LIPA: variants seen among roughly 807,000 people sequenced by gnomAD.
LIPA encodes the protein lipase A, lysosomal acid type, also known as lysosomal acid lipase/cholesteryl ester hydrolase.
A neutral mutation model predicts 40.6 loss-of-function variants in LIPA; 26 were observed. The observed-to-expected ratio is 0.64, with a 90% CI of 0.47 to 0.89. LIPA has a LOEUF of 0.89. Ranked by LOEUF, LIPA falls within the 40% of genes least tolerant of loss-of-function variation. The pLI is 0.00. For missense variants in LIPA, 455 were observed against 479.6 expected (o/e 0.95, Z 0.48); for synonymous variants, 188 against 168.4 (o/e 1.12, Z -0.90).
intron 1 of LIPA, among the ~76,000 whole-genome samples, chr10:89,303,556 TA>T (rs1464349657): frequency 6.6e-6 from 1 of 152,226 alleles, no homozygotes; most frequent in Non-Finnish European, 1.5e-5. Flanking sequence ...TTCTCTAACT[TA>T]CCAGTGGAAA....
chr10:89,318,223 C>T (rs554072003), intron 1 of LIPA, among the ~76,000 whole-genome samples: 2 of 152,200 alleles, frequency 1.3e-5, no homozygotes, highest in South Asian at 4.1e-4. Context: ...ACAATATTAA[C>T]CTTAAATGTA....
At chr10:89,315,917 TA>T (rs1214564403) in intron 1 of LIPA, among the ~76,000 whole-genome samples, 2 of 152,294 alleles carry the variant, frequency 1.3e-5, no homozygotes, top group Admixed American at 6.5e-5. Context: ...ACAAAACTAC[TA>T]TTTTTTTTTA....
rs1842604538 is a variant in LIPA, at chr10:89,214,992, A to T, written c.1036T>A (p.Trp346Arg). 1 of 1,614,088 alleles carries T rather than the reference A, an allele frequency of 6.2e-7. No individual in the cohort carries two copies. The highest frequency in any genetic ancestry group is 8.5e-7 in the Non-Finnish European group (1 of 1,180,022). ...TTGACGTCGTAGACATCTGCAAGCC[A>T]GTCGTGACCCCCGCTCCAGACTGCA... ...PTAVWSGGHD[W>R]LADVYDVNIL... Residue 346 changes from tryptophan (W) to arginine (R), a missense_variant, in exon 10 of 10, where the codon TGG (tryptophan) becomes AGG (arginine). Transcript: ENST00000336233.
chr10:89,338,998 A>G (rs762312537), intron 1 of LIPA: 1 of 1,614,222 alleles, frequency 6.2e-7, no homozygotes, highest in African/African-American at 1.3e-5. Context: ...AGATGCTCAG[A>G]TTTATGTAGA....
At chr10:89,295,015 TGAAATGAA>T (rs1843404237) in intron 1 of LIPA, among the ~76,000 whole-genome samples, 1 of 60,260 alleles carries the variant, frequency 1.7e-5, no homozygotes, top group Non-Finnish European at 3.5e-5. Flanking sequence ...GGAAAGGAAA[TGAAATGAA>T]AGGAAAGGAA....
chr10:89,339,510 C>T (rs548100409), intron 1 of LIPA: 1 of 1,614,030 alleles, frequency 6.2e-7, no homozygotes, highest in Non-Finnish European at 8.5e-7. Context: ...GGTGCTGCTA[C>T]AAGGCAAAAG....
At chr10:89,306,988 T>C (rs767685090) in intron 1 of LIPA, 2 of 1,614,038 alleles carry the variant, frequency 1.2e-6, no homozygotes, top group African/African-American at 1.3e-5. Context: ...CCAGCCTCCA[T>C]GCTCTAGCAG....
intron 1 of LIPA, among the ~76,000 whole-genome samples, chr10:89,333,253 G>A (rs1467757232): frequency 6.6e-6 from 1 of 152,238 alleles, no homozygotes; most frequent in South Asian, 2.1e-4. Flanking sequence ...TTCTGCGAGT[G>A]GCCTGAATCA....
chr10:89,252,821 A>AAG (rs1843149304), upstream of LIPA, among the ~76,000 whole-genome samples: 4 of 152,046 alleles, frequency 2.6e-5, no homozygotes, highest in South Asian at 8.3e-4. Context: ...AAAAAAAAAA[A>AAG]ACAGGGATAA....
intron 2 of LIPA, among the ~76,000 whole-genome samples, chr10:89,400,431 T>C (rs1844405731): frequency 6.6e-6 from 1 of 152,232 alleles, no homozygotes; most frequent in Non-Finnish European, 1.5e-5. Context: ...CATTTATTTA[T>C]TGCTTCTTTA....
At chr10:89,386,387 C>T (rs1450648878) in intron 2 of LIPA, among the ~76,000 whole-genome samples, 1 of 152,166 alleles carries the variant, frequency 6.6e-6, no homozygotes, top group African/African-American at 2.4e-5. Flanking sequence ...ACAGGAGTAA[C>T]ACCTTTTTCA....
intron 1 of LIPA, among the ~76,000 whole-genome samples, chr10:89,261,346 A>G (rs1843206193): frequency 6.6e-6 from 1 of 152,152 alleles, no homozygotes; most frequent in African/African-American, 2.4e-5. Context: ...GTCTACTAAA[A>G]ATGCAAAAAT....
At chr10:89,332,566 CT>C in intron 1 of LIPA, 2 of 1,613,878 alleles carry the variant, frequency 1.2e-6, no homozygotes, top group South Asian at 2.2e-5. Context: ...AATCAGTAAG[CT>C]AAAAACAAAA....
In LIPA at chr10:89,301,016, T is replaced by G. The variant is rs116647981; in HGVS notation, c.-2+41595A>C. Among the ~76,000 whole-genome samples the G allele has an allele frequency of 1.0e-2, 1,523 of 152,312 alleles. 8 individuals carry two copies. The highest frequency in any genetic ancestry group is 0.017 in the Middle Eastern group (5 of 294). The stretch of plus-strand genomic sequence containing the variant: ...TAACGATTTTAGTTAATAATTATAA[T>G]AGAAACTAGCATTTACTTATTACTG... On this transcript the variant is annotated intron_variant, in intron 1 of 5. Coordinates refer to the LIPA transcript ENST00000282673.
chr10:89,394,790 C>T (rs1844317932), intron 2 of LIPA, among the ~76,000 whole-genome samples: 1 of 151,752 alleles, frequency 6.6e-6, no homozygotes, highest in Non-Finnish European at 1.5e-5. Flanking sequence ...AGTTCAAGAA[C>T]ATTTTTCTCG....
chr10:89,242,554 T>TA (rs1407238716), intron 3 of LIPA, among the ~76,000 whole-genome samples: 5 of 151,890 alleles, frequency 3.3e-5, no homozygotes, highest in African/African-American at 9.7e-5. Context: ...CCTGTGTTCA[T>TA]AAAAAAAACC....
chr10:89,221,953 T>C (rs558570846), intron 8 of LIPA, among the ~76,000 whole-genome samples: 1 of 152,338 alleles, frequency 6.6e-6, no homozygotes, highest in East Asian at 1.9e-4. Flanking sequence ...TTTTCTAGAA[T>C]GAACATGACT....
intron 1 of LIPA, among the ~76,000 whole-genome samples, chr10:89,337,930 A>C (rs7902109): frequency 0.062 from 9,423 of 152,282 alleles, 694 homozygotes; most frequent in African/African-American, 0.18. Flanking sequence ...TTTTCACTTA[A>C]AATACAGTAT....
chr10:89,223,378 T>C (rs886559877), intron 7 of LIPA, among the ~76,000 whole-genome samples: 4 of 152,222 alleles, frequency 2.6e-5, no homozygotes, highest in African/African-American at 9.7e-5. Context: ...TTTATACTTA[T>C]AATGATTTCT....
Sources: allele counts gnomAD v4.1 joint callset (sites outside exome capture counted in the v4.1 genomes callset), GRCh38; gene constraint gnomAD v4.1.1; transcripts MANE v1.5; gene names NCBI Gene and HGNC (gene_info 2026-07-23, HGNC 2026-07-21).